FBXL17: variants seen among roughly 807,000 people sequenced by gnomAD.
FBXL17 encodes the protein F-box and leucine rich repeat protein 17.
In FBXL17, 22 loss-of-function variants were observed where a neutral mutation model predicts 66.2. The observed-to-expected ratio is 0.33, with a 90% CI of 0.24 to 0.47. FBXL17 has a LOEUF of 0.47. Ranked by LOEUF, FBXL17 falls within the 20% of genes least tolerant of loss-of-function variation. The probability of loss-of-function intolerance (pLI) is 1.00; values close to 1 mark genes in which losing one functional copy is unlikely to be tolerated. For synonymous variants in FBXL17, 474 were observed against 400.5 expected, an observed-to-expected ratio of 1.18 and a Z score of -2.19; for missense variants, 878 against 948.2, an observed-to-expected ratio of 0.93 and a Z score of 0.97.
chr5:108,184,122 A>T (rs1474674361), intron 6 of FBXL17, among the ~76,000 whole-genome samples: 3 of 152,110 alleles, frequency 2.0e-5, no homozygotes, highest in South Asian at 2.1e-4. Flanking sequence ...AAGGAAATTT[A>T]AAAAGGGGAG....
intron 6 of FBXL17, among the ~76,000 whole-genome samples, chr5:108,157,611 C>T (rs1193889090): frequency 6.7e-6 from 1 of 150,140 alleles, no homozygotes; most frequent in Non-Finnish European, 1.5e-5. Flanking sequence ...AAACTAAAAT[C>T]TGTAGGTAAA....
At chr5:108,100,253 A>G (rs1016305358) in intron 6 of FBXL17, among the ~76,000 whole-genome samples, 2 of 152,180 alleles carry the variant, frequency 1.3e-5, no homozygotes, top group African/African-American at 4.8e-5. Context: ...AAAACATTTC[A>G]TCCTATGAAA....
chr5:108,261,577 A>C (rs1756821373), intron 4 of FBXL17, among the ~76,000 whole-genome samples: 1 of 152,170 alleles, frequency 6.6e-6, no homozygotes, highest in Non-Finnish European at 1.5e-5. Flanking sequence ...TACACAATAG[A>C]AATGCTTTAG....
At chr5:108,096,541 G>A (rs986318894) in intron 6 of FBXL17, among the ~76,000 whole-genome samples, 1 of 152,194 alleles carries the variant, frequency 6.6e-6, no homozygotes, top group African/African-American at 2.4e-5. Context: ...CACAGAGAAG[G>A]AGAATATAGT....
chr5:108,239,304 G>A (rs1210118387), intron 4 of FBXL17, among the ~76,000 whole-genome samples: 1 of 152,200 alleles, frequency 6.6e-6, no homozygotes, highest in African/African-American at 2.4e-5. Flanking sequence ...AGGCACTAAA[G>A]ACAGCTGAAA....
intron 4 of FBXL17, among the ~76,000 whole-genome samples, chr5:108,291,926 C>T (rs1315271666): frequency 6.6e-6 from 1 of 152,084 alleles, no homozygotes; most frequent in African/African-American, 2.4e-5. Context: ...ACTATCACTG[C>T]CCTCAGTTCA....
chr5:107,875,710 T>C (rs184921448), intron 8 of FBXL17, among the ~76,000 whole-genome samples: 1 of 152,334 alleles, frequency 6.6e-6, no homozygotes, highest in Non-Finnish European at 1.5e-5. Flanking sequence ...ACAGCAACAT[T>C]TACTAAAAGA....
At chr5:108,324,287 C>T (rs986082589) in intron 4 of FBXL17, among the ~76,000 whole-genome samples, 1 of 151,744 alleles carries the variant, frequency 6.6e-6, no homozygotes, top group African/African-American at 2.4e-5. Context: ...GACATTTATC[C>T]AAAGATACGT....
At chr5:108,160,359 C>T (rs185707195) in intron 6 of FBXL17, among the ~76,000 whole-genome samples, 76 of 152,222 alleles carry the variant, frequency 5.0e-4, no homozygotes, top group African/African-American at 1.7e-3. Flanking sequence ...TAGCTTTTTC[C>T]TACTTTAATT....
chr5:108,286,666 T>C (rs776074320), intron 4 of FBXL17, among the ~76,000 whole-genome samples: 30 of 152,034 alleles, frequency 2.0e-4, no homozygotes, highest in Non-Finnish European at 2.9e-4. Context: ...CATTCCATGC[T>C]CATAGTTAGG....
intron 7 of FBXL17, among the ~76,000 whole-genome samples, chr5:107,978,282 T>C (rs910226466): frequency 3.3e-5 from 5 of 152,044 alleles, no homozygotes; most frequent in African/African-American, 7.2e-5. Flanking sequence ...ATTTAGTTTA[T>C]AGTTTAACTT....
At chr5:108,139,375 G>A (rs1561429579) in intron 6 of FBXL17, among the ~76,000 whole-genome samples, 1 of 152,162 alleles carries the variant, frequency 6.6e-6, no homozygotes, top group Admixed American at 6.5e-5. Flanking sequence ...TTTGATAGGT[G>A]TCTTATACCA....
At chr5:108,222,195 T>C (rs546784087) in intron 5 of FBXL17, among the ~76,000 whole-genome samples, 17 of 152,240 alleles carry the variant, frequency 1.1e-4, no homozygotes, top group African/African-American at 3.9e-4. Context: ...TTTTTGGCCA[T>C]CTCAAAATGC....
At chr5:108,244,135 C>G (rs1755986434) in intron 4 of FBXL17, among the ~76,000 whole-genome samples, 2 of 152,072 alleles carry the variant, frequency 1.3e-5, no homozygotes, top group Admixed American at 1.3e-4. Flanking sequence ...TTGTTGTCCT[C>G]ACACCTTTTC....
chr5:108,105,454 G>T (rs1262562839), intron 6 of FBXL17, among the ~76,000 whole-genome samples: 1 of 152,188 alleles, frequency 6.6e-6, no homozygotes, highest in Admixed American at 6.5e-5. Context: ...ATGCTGTTTT[G>T]AAGATATTAG....
At chr5:108,356,981 T>A (rs968779754) in intron 3 of FBXL17, among the ~76,000 whole-genome samples, 6 of 152,030 alleles carry the variant, frequency 3.9e-5, no homozygotes, top group Non-Finnish European at 8.8e-5. Flanking sequence ...AAAACTCCTC[T>A]TTTAAAGGCT....
chr5:108,085,780 C>T (rs1168215520), intron 6 of FBXL17, among the ~76,000 whole-genome samples: 2 of 151,968 alleles, frequency 1.3e-5, no homozygotes, highest in African/African-American at 4.8e-5. Flanking sequence ...ACAAAAAATA[C>T]AAAAAAATTA....
At chr5:108,033,089 T>C (rs1406805660) in intron 6 of FBXL17, among the ~76,000 whole-genome samples, 1 of 152,168 alleles carries the variant, frequency 6.6e-6, no homozygotes, top group Non-Finnish European at 1.5e-5. Context: ...TCTGATATAA[T>C]GGAAAATTTC....
chr5:107,979,685 A>C (rs2112666733), intron 7 of FBXL17, among the ~76,000 whole-genome samples: 1 of 152,304 alleles, frequency 6.6e-6, no homozygotes, highest in East Asian at 1.9e-4. Context: ...TAGGGGCTTG[A>C]TTATTGGTAA....
Sources: gnomAD v4.1 joint callset for allele counts (sites outside exome capture counted in the v4.1 genomes callset) on GRCh38, gnomAD v4.1.1 for gene constraint, MANE v1.5 for transcripts, NCBI Gene and HGNC (gene_info 2026-07-23, HGNC 2026-07-21) for gene names.